Variants in CHAT observed in about 807,000 individuals in gnomAD.
CHAT encodes acetyl CoA:choline O-acetyltransferase.
In CHAT, 61 loss-of-function variants were observed where a neutral mutation model predicts 76.9. The ratio of observed to expected loss-of-function variants is 0.79; its 90% CI spans 0.65 to 0.98. The LOEUF (loss-of-function observed/expected upper bound fraction) is 0.98. Ranked by LOEUF, CHAT falls within the 50% of genes least tolerant of loss-of-function variation. The pLI is 0.00. For synonymous variants in CHAT, 407 were observed against 397.4 expected (o/e 1.02, Z -0.29); for missense variants, 946 against 986.9 (o/e 0.96, Z 0.56).
Position 49,622,093 on chromosome 10 carries a change from G to A in CHAT, c.699-4G>A, listed in dbSNP as rs746540508. The A allele has an allele frequency of 8.5e-7, 1 of 1,176,522 alleles. No homozygotes were observed. Among genetic ancestry groups the A allele is most frequent in the South Asian group, 1.7e-5 (1 of 59,468 alleles). 72.9% of individuals were successfully genotyped at this position (1,176,522 alleles called of 1,614,324 possible). A position where few individuals can be genotyped will look rare whatever the true frequency, so the allele number is the denominator to read the frequency against. ...AAGGGCTCAGGCCTCCCTTCTCCCTGCAGGTTTGCAGCCAGCCTCATCTCT... is the reference window on the plus strand; with the variant it reads ...AAGGGCTCAGGCCTCCCTTCTCCCTACAGGTTTGCAGCCAGCCTCATCTCT... On this transcript the variant is annotated splice_region_variant and splice_polypyrimidine_tract_variant and intron_variant, in intron 4 of 14. Coordinates refer to ENST00000337653, the MANE Select transcript of CHAT (RefSeq NM_020549.5).
At chr10:49,645,439 T>C (rs955956800) in intron 7 of CHAT, among the ~76,000 whole-genome samples, 5 of 152,230 alleles carry the variant, frequency 3.3e-5, no homozygotes, top group African/African-American at 4.8e-5. Flanking sequence ...TTTGGTGAAC[T>C]TTAAACCAAG....
Position 49,665,007 on chromosome 10 carries a change from G to A in CHAT, c.2208G>A (p.Lys736=). ...CTGAGAGCAAGCCATTGGCAACAAAGGAAAAAGCCACGAGGCCCAGCCAGG... is the reference window on the plus strand; with the variant it reads ...CTGAGAGCAAGCCATTGGCAACAAAAGAAAAAGCCACGAGGCCCAGCCAGG... ...PPTESKPLAT[K]EKATRPSQGH... The change falls in exon 15 of 15, where the codon AAG becomes AAA. Residue 736 remains lysine (K), a synonymous_variant. Coordinates refer to ENST00000337653, the MANE Select transcript of CHAT (RefSeq NM_020549.5). 1.2e-6 allele frequency: 2 copies of A among 1,614,176 alleles called. No individual in the cohort carries two copies. Among genetic ancestry groups the A allele is most frequent in the Non-Finnish European group, 1.7e-6 (2 of 1,180,036 alleles).
intron 2 of CHAT, among the ~76,000 whole-genome samples, chr10:49,618,989 C>T (rs1838599515): frequency 2.0e-5 from 3 of 152,152 alleles, no homozygotes; most frequent in Non-Finnish European, 4.4e-5. Flanking sequence ...TCCACTGCAT[C>T]CCCACCCCTG....
Position 49,651,860 on chromosome 10 carries a change from AC to A in CHAT, c.1512-23del. On this transcript the variant is annotated intron_variant, in intron 10 of 14. Transcript: ENST00000337653. ...GCATACTGTTTTGCATGCAATAAAA[AC>A]ATCTTTTCTTTTTCTTCCTCAGAAT... The A allele has an allele frequency of 1.9e-6, 3 of 1,609,698 alleles. No homozygotes were observed. The South Asian group carries it at 3.3e-5, about 18-fold the overall frequency.
At chr10:49,627,892 TG>T (rs1312699928) in intron 7 of CHAT, 107 bp downstream of exon 7, 8 of 1,345,328 alleles carry the variant, frequency 5.9e-6, no homozygotes, top group Non-Finnish European at 8.2e-6. Context: ...AGCCATAGTG[TG>T]GGAGCTCAGG....
At chr10:49,610,776 G>A (rs759990429), upstream of CHAT, 1 of 1,564,226 alleles carries the variant, frequency 6.4e-7, no homozygotes, top group Non-Finnish European at 8.6e-7. Context: ...AGGCCCGGGC[G>A]GCGGCCACCA....
At position 49,619,907 on chromosome 10, in the gene CHAT, A is replaced by G; in HGVS notation, c.570A>G (p.Thr190=). Residue 190 remains threonine, a synonymous_variant, in exon 3 of 15, where the codon ACA becomes ACG. Transcript: ENST00000337653. ...QQKLLERQEK[T]ANWVSEYWLN... ...AACTCCTGGAGCGGCAGGAGAAGAC[A>G]GCCAACTGGGTAAGAGGGGCAGACA... 1.9e-6 allele frequency: 3 copies of G among 1,611,590 alleles called. No individual in the cohort carries two copies. Among genetic ancestry groups the G allele is most frequent in the Non-Finnish European group, 2.5e-6 (3 of 1,179,242 alleles).
chr10:49,615,836 C>G, intron 1 of CHAT: 1 of 601,188 alleles, frequency 1.7e-6, no homozygotes, highest in South Asian at 2.1e-5. Context: ...CTGGGCACTC[C>G]TATGGCATCT....
intron 5 of CHAT, among the ~76,000 whole-genome samples, chr10:49,622,666 C>T (rs1590567462): frequency 6.6e-6 from 1 of 152,242 alleles, no homozygotes; most frequent in East Asian, 1.9e-4. Flanking sequence ...CTTAGGAGAG[C>T]AGGAGGGTGT....
Position 49,651,888 on chromosome 10 carries a change from G to T in CHAT, c.1516G>T (p.Val506Leu), listed in dbSNP as rs121912817. 2 of 1,613,702 alleles carry T rather than the reference G, an allele frequency of 1.2e-6. No individual in the cohort carries two copies. Among genetic ancestry groups the T allele is most frequent in the Non-Finnish European group, 1.7e-6 (2 of 1,179,782 alleles). Residue 506 changes from valine (V) to leucine (L), a missense_variant, in exon 11 of 15, where the codon GTA becomes TTA. Coordinates refer to ENST00000337653, the MANE Select transcript of CHAT (RefSeq NM_020549.5). ...ASSAEKLQRIVKNLDFIVYKF... is the reference protein window; with the variant it reads ...ASSAEKLQRILKNLDFIVYKF... ...TCTTTTCTTTTTCTTCCTCAGAATA[G>T]TAAAGAACCTTGACTTCATTGTCTA...
chr10:49,616,218 C>A, intron 1 of CHAT: 3 of 1,010,846 alleles, frequency 3.0e-6, no homozygotes, highest in Non-Finnish European at 4.7e-6. Context: ...ATTTGGATTG[C>A]CCCAGGGTGG....
chr10:49,649,592 GGA>G lies in CHAT; in HGVS notation c.1468_1469del (p.Glu490AsnfsTer20), dbSNP rs760039781. 4 of 1,613,850 alleles carry G rather than the reference GGA, an allele frequency of 2.5e-6. No individual in the cohort carries two copies. Among genetic ancestry groups the G allele is most frequent in the Non-Finnish European group, 3.4e-6 (4 of 1,180,028 alleles). On this transcript the variant is annotated frameshift_variant, in exon 10 of 15. Transcript: ENST00000337653. LOFTEE classifies it high-confidence loss of function. ...PRRLRWKCSP[E>X]IQGHLASSAE... ...GGAGGCTGCGGTGGAAATGCTCCCC[GGA>G]AATTCAAGGCCACTTAGCCTCCTCG...
intron 13 of CHAT, among the ~76,000 whole-genome samples, chr10:49,660,919 G>A (rs142627676): frequency 6.6e-6 from 1 of 152,306 alleles, no homozygotes; most frequent in African/African-American, 2.4e-5. Flanking sequence ...TGGTCGTGGA[G>A]AAATAAAGTT....
chr10:49,655,360 G>A lies in CHAT; in HGVS notation c.1777-26G>A, dbSNP rs756581157. 80 of 1,613,880 alleles carry A rather than the reference G, an allele frequency of 5.0e-5. No individual in the cohort carries two copies. The East Asian group carries it at 6.2e-4, about 13-fold the overall frequency. On this transcript the variant is annotated intron_variant, in intron 12 of 14. Transcript: ENST00000337653. ...GGCTCCAAGCAGCCTTTTAAACCCC[G>A]CGCTGCCTCTGTGTTCTGTTGACAG...
chr10:49,614,244 A>C lies in CHAT; in HGVS notation c.55A>C (p.Arg19=). ...GCTTGGGGGAGGGGGGAAATGGAAG[A>C]GAGAGGAGGGAGGAGGTACAAGAGG... ...RGLGGGGKWK[R]EEGGGTRGRR... The change falls in exon 1 of 15, where the codon AGA becomes CGA. Residue 19 remains arginine, a synonymous_variant. Transcript: ENST00000337653. 1 of 1,543,300 alleles carries C rather than the reference A, an allele frequency of 6.5e-7. No homozygotes were observed. The highest frequency in any genetic ancestry group is 8.7e-7 in the Non-Finnish European group (1 of 1,143,372).
intron 1 of CHAT, among the ~76,000 whole-genome samples, chr10:49,616,288 C>A (rs1479252433): frequency 1.3e-5 from 2 of 152,168 alleles, no homozygotes; most frequent in Non-Finnish European, 1.5e-5. Context: ...AGGAACCACT[C>A]TCTCCCATAT....
intron 13 of CHAT, chr10:49,661,455 T>C (rs1161601841): frequency 2.0e-5 from 3 of 152,246 alleles, no homozygotes; most frequent in African/African-American, 7.2e-5. Flanking sequence ...GTAATGTTTG[T>C]CTTTTCAGCC....
upstream of CHAT, among the ~76,000 whole-genome samples, chr10:49,613,579 G>A (rs1838360319): frequency 6.6e-6 from 1 of 152,184 alleles, no homozygotes; most frequent in African/African-American, 2.4e-5. Flanking sequence ...CTGCTGTTGT[G>A]CGCATGTCTG....
rs1464249007 is a variant in CHAT, at chr10:49,666,145, AG to A, written c.*1102del. 6.6e-6 allele frequency among the ~76,000 whole-genome samples: 1 copy of A among 152,172 alleles called. No homozygotes were observed. Among genetic ancestry groups the A allele is most frequent in the African/African-American group, 2.4e-5 (1 of 41,454 alleles). ...AAACCCATGTGGTAGAGCCTAGAGC[AG>A]GGCTCTCTTCTGGCCTCAGGGACTT... On this transcript the variant is annotated 3_prime_UTR_variant, in exon 15 of 15. Transcript: ENST00000337653.
Sources: allele counts gnomAD v4.1 joint callset (sites outside exome capture counted in the v4.1 genomes callset), GRCh38; gene constraint gnomAD v4.1.1; transcripts MANE v1.5; gene names NCBI Gene and HGNC (gene_info 2026-07-23, HGNC 2026-07-21).